The following MYBL1 variants were observed in gnomAD, a reference collection of about 807,000 sequenced individuals.
MYBL1 encodes MYB proto-oncogene like 1, also known as myb-related protein A.
Under a neutral mutation model 96.3 loss-of-function variants are expected in MYBL1, and 17 were observed. The observed-to-expected ratio is 0.18, with a 90% CI of 0.12 to 0.26. The LOEUF is 0.26. Among genes scored for constraint, MYBL1 ranks in the 10% least tolerant of loss-of-function variants. The pLI is 1.00. For synonymous variants in MYBL1, 282 were observed against 292.7 expected (o/e 0.96, Z 0.37); for missense variants, 701 against 882.9 (o/e 0.79, Z 2.61).
intron 1 of MYBL1, among the ~76,000 whole-genome samples, chr8:66,605,224 A>T (rs919438415): frequency 6.6e-6 from 1 of 152,198 alleles, no homozygotes; most frequent in African/African-American, 2.4e-5. Flanking sequence ...GTTAGAGTTC[A>T]TTACAATTCA....
intron 8 of MYBL1, among the ~76,000 whole-genome samples, chr8:66,589,037 T>C (rs1809532406): frequency 6.6e-6 from 1 of 152,122 alleles, no homozygotes; most frequent in South Asian, 2.1e-4. Context: ...ATTAAAAAAA[T>C]GCTTCATATG....
At chr8:66,581,869 G>A (rs1809225924) in intron 8 of MYBL1, among the ~76,000 whole-genome samples, 1 of 152,062 alleles carries the variant, frequency 6.6e-6, no homozygotes, top group South Asian at 2.1e-4. Context: ...CAGAAATGAG[G>A]GAGAAATAAA....
In MYBL1 at chr8:66,580,144, G is replaced by C. The variant is rs372059344; in HGVS notation, c.1090C>G (p.Leu364Val). The change falls in exon 9 of 16, where the codon CTT (leucine) becomes GTT (valine). Residue 364 changes from leucine to valine, a missense_variant. Leu to Val is a conservative substitution (Grantham distance 32, BLOSUM62 1). Transcript: ENST00000522677. ...TIPEFAETLELIESDPVAWSD... is the reference protein window; with the variant it reads ...TIPEFAETLEVIESDPVAWSD... ...AATTTTTTACTTACAGATTCAATAAGTTCTAGAGTCTCTGCAAATTCTGGG... is the reference window on the plus strand; with the variant it reads ...AATTTTTTACTTACAGATTCAATAACTTCTAGAGTCTCTGCAAATTCTGGG... The C allele has an allele frequency of 1.3e-5, 21 of 1,610,440 alleles. No individual in the cohort carries two copies. Among genetic ancestry groups the C allele is most frequent in the African/African-American group, 6.7e-5 (5 of 74,840 alleles).
intron 8 of MYBL1, among the ~76,000 whole-genome samples, chr8:66,590,089 A>C (rs976690010): frequency 4.6e-5 from 7 of 152,060 alleles, no homozygotes; most frequent in African/African-American, 1.4e-4. Flanking sequence ...ATCCCAAAAA[A>C]ACAAAAAACA....
At chr8:66,569,687 A>G (rs1450749867) in intron 12 of MYBL1, among the ~76,000 whole-genome samples, 1 of 152,162 alleles carries the variant, frequency 6.6e-6, no homozygotes, top group Non-Finnish European at 1.5e-5. Context: ...TCTTAAAAAG[A>G]TCTGGAGGTT....
intron 8 of MYBL1, among the ~76,000 whole-genome samples, chr8:66,586,427 A>C (rs1024636152): frequency 2.6e-5 from 4 of 152,194 alleles, no homozygotes; most frequent in Non-Finnish European, 4.4e-5. Flanking sequence ...GGGTATATTA[A>C]AAAATGCTCA....
chr8:66,603,919 A>G (rs953583087), intron 1 of MYBL1, among the ~76,000 whole-genome samples: 3 of 152,224 alleles, frequency 2.0e-5, no homozygotes, highest in Middle Eastern at 3.4e-3. Flanking sequence ...AAAAATACCA[A>G]TAGACTTTGG....
At chr8:66,604,703 AATG>A (rs1401643864) in intron 1 of MYBL1, among the ~76,000 whole-genome samples, 2 of 152,202 alleles carry the variant, frequency 1.3e-5, no homozygotes, top group Non-Finnish European at 2.9e-5. Flanking sequence ...CAACCAAGGT[AATG>A]ATATTAGGAA....
chr8:66,564,818 C>G lies in MYBL1; in HGVS notation c.2138G>C (p.Cys713Ser), dbSNP rs1354097611. ...VKLEKNLQSNCEWETVVYGKT... is the reference protein window; with the variant it reads ...VKLEKNLQSNSEWETVVYGKT... ...CCCATAAACCACTGTTTCCCATTCACAATTTGACTAGAAAGGAAATATTAA... is the reference window on the plus strand; with the variant it reads ...CCCATAAACCACTGTTTCCCATTCAGAATTTGACTAGAAAGGAAATATTAA... Residue 713 changes from cysteine to serine, a missense_variant, in exon 16 of 16, where the codon TGT (cysteine) becomes TCT (serine). By Grantham distance (112) the Cys-to-Ser change is moderately radical. This residue lies in a region of MYBL1 where 137 missense variants were observed against 137.5 expected (regional missense o/e 1.00). Transcript: ENST00000522677. 3 of 1,560,744 alleles carry G rather than the reference C, an allele frequency of 1.9e-6. No individual in the cohort carries two copies. Among genetic ancestry groups the G allele is most frequent in the Non-Finnish European group, 2.6e-6 (3 of 1,148,418 alleles).
In MYBL1 at chr8:66,564,661, T is replaced by G. The variant is rs1808432493; in HGVS notation, c.*36A>C. On this transcript the variant is annotated 3_prime_UTR_variant, in exon 16 of 16. Transcript: ENST00000522677. ...CAACCTAATTTAGTAGAGACTGCAG[T>G]AAGGGAGTGGGGCATTTCATCAATT... 5.3e-6 allele frequency: 8 copies of G among 1,522,660 alleles called. No individual in the cohort carries two copies. Among genetic ancestry groups the G allele is most frequent in the African/African-American group, 1.4e-5 (1 of 72,418 alleles). The allele number at this position is 1,522,660 out of a possible 1,614,324, so 94.3% of individuals were successfully genotyped here.
At chr8:66,575,898 A>T in intron 10 of MYBL1, 109 bp downstream of exon 10, 1 of 1,152,384 alleles carries the variant, frequency 8.7e-7, no homozygotes, top group South Asian at 1.6e-5. Context: ...ATTTAAACAC[A>T]TTATTTTTAT....
chr8:66,569,339 C>CTT (rs763757243), intron 12 of MYBL1, among the ~76,000 whole-genome samples: 9 of 137,710 alleles, frequency 6.5e-5, no homozygotes, highest in African/African-American at 2.4e-4. Flanking sequence ...ACCGCATTTT[C>CTT]TTTTTTTTTT....
chr8:66,608,972 T>C (rs1176421215), intron 1 of MYBL1, among the ~76,000 whole-genome samples: 1 of 152,138 alleles, frequency 6.6e-6, no homozygotes, highest in East Asian at 1.9e-4. Context: ...GATAAATGTC[T>C]AATACATAAC....
At chr8:66,593,013 C>G in intron 7 of MYBL1, 107 bp downstream of exon 7, 2 of 671,650 alleles carry the variant, frequency 3.0e-6, no homozygotes, top group Non-Finnish European at 5.1e-6. Flanking sequence ...TAGGACAGAT[C>G]GTATTATTTT....
chr8:66,566,171 T>C lies in MYBL1; in HGVS notation c.2023A>G (p.Ile675Val), dbSNP rs1048158717. 2.0e-6 allele frequency: 3 copies of C among 1,532,950 alleles called. No individual in the cohort carries two copies. The highest frequency in any genetic ancestry group is 2.7e-6 in the Non-Finnish European group (3 of 1,128,778). 95.0% of individuals were successfully genotyped at this position (1,532,950 alleles called of 1,614,324 possible). A position where few individuals can be genotyped will look rare whatever the true frequency, so the allele number is the denominator to read the frequency against. The stretch of plus-strand genomic sequence containing the variant: ...GAATTTATATCTTGTTTTTCAGGAA[T>C]CAAGTTGCACCTATTGTCATGTATT... ...LEIHDNRCNL[I>V]PEKQDINSTN... Residue 675 changes from isoleucine (I) to valine (V), a missense_variant, in exon 15 of 16, where the codon ATT becomes GTT. Physicochemically the swap from Ile to Val is conservative, Grantham distance 29. Coordinates refer to ENST00000522677, the MANE Select transcript of MYBL1 (RefSeq NM_001080416.4).
At chr8:66,595,814 T>G (rs1377751932) in intron 5 of MYBL1, 57 bp from the exon 6 acceptor site, 1 of 1,149,730 alleles carries the variant, frequency 8.7e-7, no homozygotes, top group Non-Finnish European at 1.2e-6. Context: ...ATTTCAACAC[T>G]GTGTTAACTT....
chr8:66,580,716 G>T (rs1399143051), intron 8 of MYBL1, among the ~76,000 whole-genome samples: 1 of 152,094 alleles, frequency 6.6e-6, no homozygotes, highest in Non-Finnish European at 1.5e-5. Flanking sequence ...ATTCCTGGTA[G>T]TTATCAGAAA....
At chr8:66,604,183 T>C (rs554773721) in intron 1 of MYBL1, among the ~76,000 whole-genome samples, 1 of 152,054 alleles carries the variant, frequency 6.6e-6, no homozygotes, top group Admixed American at 6.5e-5. Flanking sequence ...ATCAGTGGAG[T>C]AAAGGTAGAC....
intron 12 of MYBL1, among the ~76,000 whole-genome samples, chr8:66,569,322 C>T (rs112150646): frequency 0.1 from 15,792 of 150,738 alleles, 1,849 homozygotes; most frequent in African/African-American, 0.28. Context: ...TTCTATGGTG[C>T]ATACGTACCG....
Sources: allele counts gnomAD v4.1 joint callset (sites outside exome capture counted in the v4.1 genomes callset), GRCh38; gene constraint gnomAD v4.1.1; regional missense constraint gnomAD v4.1.1; transcripts MANE v1.5; gene names NCBI Gene and HGNC (gene_info 2026-07-23, HGNC 2026-07-21).